Variants in MAGI1 observed in about 807,000 individuals in gnomAD.
MAGI1 encodes membrane associated guanylate kinase, WW and PDZ domain containing 1, also known as membrane-associated guanylate kinase, WW and PDZ domain-containing protein 1.
Under a neutral mutation model 139.9 loss-of-function variants are expected in MAGI1, and 58 were observed. The ratio of observed to expected loss-of-function variants is 0.41; its 90% CI spans 0.34 to 0.52. The LOEUF is 0.52. Ranked by LOEUF, MAGI1 falls within the 20% of genes least tolerant of loss-of-function variation. MAGI1 has a pLI of 0.12. For missense variants in MAGI1, 1,874 were observed against 1,901.6 expected (o/e 0.99, Z 0.27); for synonymous variants, 812 against 737.9 (o/e 1.10, Z -1.63).
intron 1 of MAGI1, among the ~76,000 whole-genome samples, chr3:65,786,487 T>C (rs958987378): frequency 2.0e-5 from 3 of 151,948 alleles, no homozygotes; most frequent in African/African-American, 7.3e-5. Context: ...ACTGTATTTT[T>C]TGTAGAGACA....
At chr3:66,008,683 A>G (rs1434485518) in intron 1 of MAGI1, 1 of 146,288 alleles carries the variant, frequency 6.8e-6, no homozygotes, top group Non-Finnish European at 1.5e-5. Flanking sequence ...GGATGACTAC[A>G]TATTAAGTAG....
intron 1 of MAGI1, among the ~76,000 whole-genome samples, chr3:65,744,279 C>G (rs1037698826): frequency 1.3e-5 from 2 of 152,152 alleles, no homozygotes; most frequent in African/African-American, 4.8e-5. Flanking sequence ...ATAGATCACC[C>G]AATGTCTCTC....
intron 1 of MAGI1, among the ~76,000 whole-genome samples, chr3:65,667,453 T>C (rs1176762768): frequency 6.6e-6 from 1 of 152,182 alleles, no homozygotes; most frequent in Non-Finnish European, 1.5e-5. Flanking sequence ...AAGTGTGATG[T>C]GTGTTTTGCA....
intron 1 of MAGI1, among the ~76,000 whole-genome samples, chr3:65,654,796 C>T (rs1417418180): frequency 2.8e-4 from 43 of 152,178 alleles, no homozygotes; most frequent in Admixed American, 2.8e-3. Flanking sequence ...CCACCAATTG[C>T]TCTGTCAACT....
intron 1 of MAGI1, among the ~76,000 whole-genome samples, chr3:65,898,244 T>C (rs961814935): frequency 6.6e-6 from 1 of 152,334 alleles, no homozygotes; most frequent in African/African-American, 2.4e-5. Flanking sequence ...TACCTTTCTG[T>C]GGCATAACAT....
At chr3:65,514,862 A>G (rs1221783509) in intron 2 of MAGI1, among the ~76,000 whole-genome samples, 1 of 147,650 alleles carries the variant, frequency 6.8e-6, no homozygotes, top group Non-Finnish European at 1.5e-5. Context: ...ATGCACACGT[A>G]TGTTTATTGC....
At chr3:65,449,308 G>C (rs1045380320) in intron 6 of MAGI1, among the ~76,000 whole-genome samples, 48 of 152,314 alleles carry the variant, frequency 3.2e-4, no homozygotes, top group African/African-American at 1.2e-3. Context: ...CCAGCGGTAA[G>C]TTTTGATTGG....
chr3:65,631,851 C>T (rs979603979), intron 1 of MAGI1, among the ~76,000 whole-genome samples: 4 of 151,964 alleles, frequency 2.6e-5, no homozygotes, highest in Admixed American at 6.6e-5. Context: ...TGGTGAAACC[C>T]CACCTCTACC....
At chr3:65,930,315 C>CAAAA (rs58258730) in intron 1 of MAGI1, among the ~76,000 whole-genome samples, 6 of 87,628 alleles carry the variant, frequency 6.8e-5, no homozygotes, top group African/African-American at 1.7e-4. Context: ...GACTCCGTCT[C>CAAAA]AAAAAAAAAA....
At chr3:66,011,483 G>A (rs527995510) in intron 1 of MAGI1, among the ~76,000 whole-genome samples, 1 of 152,070 alleles carries the variant, frequency 6.6e-6, no homozygotes, top group Non-Finnish European at 1.5e-5. Flanking sequence ...ACACTATGCT[G>A]TACTATGCCA....
At chr3:65,695,659 C>G (rs2089112359) in intron 1 of MAGI1, among the ~76,000 whole-genome samples, 2 of 152,140 alleles carry the variant, frequency 1.3e-5, no homozygotes, top group Non-Finnish European at 2.9e-5. Context: ...ACAGTAGACG[C>G]CTAGACCTCT....
chr3:65,415,448 T>C (rs1193744102), intron 12 of MAGI1, among the ~76,000 whole-genome samples: 1 of 152,182 alleles, frequency 6.6e-6, no homozygotes, highest in Admixed American at 6.5e-5. Context: ...GTCCTACCCA[T>C]ACTTCAGATG....
At chr3:65,460,455 T>C (rs1313844114) in intron 5 of MAGI1, among the ~76,000 whole-genome samples, 2 of 152,188 alleles carry the variant, frequency 1.3e-5, no homozygotes, top group Non-Finnish European at 2.9e-5. Flanking sequence ...AGTTCTTAAA[T>C]ATACAAATTC....
At chr3:65,490,557 C>T (rs1298583398) in intron 3 of MAGI1, among the ~76,000 whole-genome samples, 1 of 152,044 alleles carries the variant, frequency 6.6e-6, no homozygotes, top group Non-Finnish European at 1.5e-5. Context: ...AACTTATGAG[C>T]CATCTCGGCC....
chr3:65,597,824 C>T (rs1483610909), intron 2 of MAGI1: 3 of 456,466 alleles, frequency 6.6e-6, no homozygotes, highest in East Asian at 1.4e-4. Flanking sequence ...CCTGCAAACC[C>T]CAGCCCAATC....
At chr3:65,833,924 C>A (rs2042665205) in intron 1 of MAGI1, among the ~76,000 whole-genome samples, 1 of 152,212 alleles carries the variant, frequency 6.6e-6, no homozygotes, top group Admixed American at 6.5e-5. Context: ...CTTTCTGTAG[C>A]AGTGAAAATA....
chr3:65,721,839 G>GTT (rs142189402), intron 1 of MAGI1, among the ~76,000 whole-genome samples: 24 of 147,066 alleles, frequency 1.6e-4, no homozygotes, highest in South Asian at 1.1e-3. Flanking sequence ...TTTGTTTTTT[G>GTT]TTTTTTTTTT....
chr3:65,468,067 A>C (rs574028208), intron 5 of MAGI1, among the ~76,000 whole-genome samples: 5 of 152,268 alleles, frequency 3.3e-5, no homozygotes, highest in African/African-American at 1.2e-4. Flanking sequence ...CATAATATTC[A>C]AGTCCTCTTT....
At position 65,470,358 on chromosome 3, in the gene MAGI1, G is replaced by A; in HGVS notation, c.884C>T (p.Ala295Val). The A allele has an allele frequency of 2.5e-6, 4 of 1,613,290 alleles. No individual in the cohort carries two copies. Among genetic ancestry groups the A allele is most frequent in the Non-Finnish European group, 3.4e-6 (4 of 1,179,328 alleles). The change falls in exon 5 of 23, where the codon GCA becomes GTA. Residue 295 changes from alanine (A) to valine (V), a missense_variant. Around this residue, in one of 5 missense-constraint regions of MAGI1, gnomAD observed 648 missense variants for 598.1 expected, o/e 1.08. Coordinates refer to ENST00000402939, the MANE Select transcript of MAGI1 (RefSeq NM_001033057.2). ...QKFPQYLPLS[A>V]EDNLGPLPEN... ...AGGTAGAGGACCTAAATTATCCTCT[G>A]CAGAAAGAGGTAGGTATTGAGGGAA...
Sources: allele counts gnomAD v4.1 joint callset (sites outside exome capture counted in the v4.1 genomes callset), GRCh38; gene constraint gnomAD v4.1.1; regional missense constraint gnomAD v4.1.1; transcripts MANE v1.5; gene names NCBI Gene and HGNC (gene_info 2026-07-23, HGNC 2026-07-21).